Variants in CSMD1 observed in about 807,000 individuals in gnomAD.
The protein encoded by CSMD1 is CUB and Sushi multiple domains 1.
In CSMD1, 213 loss-of-function variants were observed where a neutral mutation model predicts 417.5. The ratio of observed to expected loss-of-function variants is 0.51; its 90% CI spans 0.46 to 0.57. The LOEUF is 0.57. Ranked by LOEUF, CSMD1 falls within the 20% of genes least tolerant of loss-of-function variation. The pLI is 0.00. For missense variants in CSMD1, 6,923 were observed against 4,529.7 expected, an observed-to-expected ratio of 1.53 and a Z score of -15.17; for synonymous variants, 2,862 against 1,736.8, an observed-to-expected ratio of 1.65 and a Z score of -16.11.
Position 3,284,265 on chromosome 8 carries a change from C to A in CSMD1, c.4032G>T (p.Leu1344=), listed in dbSNP as rs1483454958. ...GGGCGGAGCCACTCCACTCCTTCAG[C>A]AGGATGTCACTGTCCACCGGCCCGT... ...VWDGPVDSDI[L]LKEWSGSALP... The change falls in exon 26 of 70, where the codon CTG becomes CTT. Residue 1344 remains leucine (L), a synonymous_variant. Coordinates refer to ENST00000635120, the MANE Select transcript of CSMD1 (RefSeq NM_033225.6). The A allele has an allele frequency of 3.7e-6, 6 of 1,613,910 alleles. No homozygotes were observed. Among genetic ancestry groups the A allele is most frequent in the Non-Finnish European group, 5.1e-6 (6 of 1,179,854 alleles).
intron 10 of CSMD1, among the ~76,000 whole-genome samples, chr8:3,562,554 C>T (rs1291004876): frequency 6.6e-6 from 1 of 151,972 alleles, no homozygotes; most frequent in African/African-American, 2.4e-5. Flanking sequence ...CAAAAGTTCC[C>T]CACTTAAAAC....
chr8:3,045,048 C>G (rs11136562), intron 50 of CSMD1, among the ~76,000 whole-genome samples: 1 of 152,006 alleles, frequency 6.6e-6, no homozygotes, highest in Non-Finnish European at 1.5e-5. Context: ...AATCGGTTTT[C>G]CAGCCCTTGA....
intron 5 of CSMD1, among the ~76,000 whole-genome samples, chr8:3,801,895 A>C (rs1800477578): frequency 6.6e-6 from 1 of 152,152 alleles, no homozygotes; most frequent in South Asian, 2.1e-4. Context: ...ATGAGATCTC[A>C]TATAATACCC....
At chr8:3,919,104 C>G (rs755847845) in intron 5 of CSMD1, among the ~76,000 whole-genome samples, 2 of 133,352 alleles carry the variant, frequency 1.5e-5, no homozygotes, top group African/African-American at 2.8e-5. Flanking sequence ...CAGATTGTTT[C>G]TTTTGCTGTG....
chr8:4,114,807 G>C (rs1802046254), intron 3 of CSMD1, among the ~76,000 whole-genome samples: 1 of 152,160 alleles, frequency 6.6e-6, no homozygotes, highest in African/African-American at 2.4e-5. Flanking sequence ...GGTAGAAATA[G>C]CGAGAGGTAA....
At chr8:3,633,531 A>G (rs985606639) in intron 7 of CSMD1, among the ~76,000 whole-genome samples, 1 of 152,240 alleles carries the variant, frequency 6.6e-6, no homozygotes, top group Non-Finnish European at 1.5e-5. Flanking sequence ...ACAATGGACA[A>G]TTGTATTAGT....
chr8:3,473,980 G>C (rs563854076), intron 11 of CSMD1, among the ~76,000 whole-genome samples: 10 of 152,086 alleles, frequency 6.6e-5, no homozygotes, highest in Non-Finnish European at 1.3e-4. Context: ...ATCAGATCTA[G>C]TAAAAACTCC....
intron 30 of CSMD1, among the ~76,000 whole-genome samples, chr8:3,213,737 G>T (rs564535256): frequency 1.1e-4 from 16 of 149,980 alleles, no homozygotes; most frequent in Middle Eastern, 7.1e-3. Flanking sequence ...ATGTATATAT[G>T]TAAAAATATA....
chr8:3,836,997 C>G (rs1386982299), intron 5 of CSMD1, among the ~76,000 whole-genome samples: 1 of 151,688 alleles, frequency 6.6e-6, no homozygotes, highest in Non-Finnish European at 1.5e-5. Flanking sequence ...CCTTAATTAG[C>G]TACTTTAAGT....
chr8:4,964,009 GT>G (rs1316587906), intron 1 of CSMD1, among the ~76,000 whole-genome samples: 1 of 151,964 alleles, frequency 6.6e-6, no homozygotes, highest in African/African-American at 2.4e-5. Flanking sequence ...TATGGCACAT[GT>G]GAAGAACATA....
intron 7 of CSMD1, among the ~76,000 whole-genome samples, chr8:3,664,942 C>T (rs755731604): frequency 7.2e-5 from 11 of 152,034 alleles, no homozygotes; most frequent in Non-Finnish European, 1.5e-4. Context: ...CTCTGTGCGT[C>T]AAAGATTTCA....
At chr8:4,868,485 C>G (rs1305636980) in intron 1 of CSMD1, among the ~76,000 whole-genome samples, 1 of 151,984 alleles carries the variant, frequency 6.6e-6, no homozygotes, top group East Asian at 1.9e-4. Flanking sequence ...ATCCGCCTGC[C>G]TCGGTCTCCC....
intron 5 of CSMD1, among the ~76,000 whole-genome samples, chr8:3,786,042 G>A (rs1201459959): frequency 3.3e-5 from 5 of 152,254 alleles, no homozygotes; most frequent in South Asian, 2.1e-4. Flanking sequence ...AAGGACGGAA[G>A]AAGTGATGTT....
chr8:4,691,063 T>C (rs1210935886), intron 1 of CSMD1, among the ~76,000 whole-genome samples: 1 of 152,178 alleles, frequency 6.6e-6, no homozygotes. Context: ...AACATGCACC[T>C]TTAAAATGGT....
At chr8:3,469,329 TCTC>T (rs1816955056) in intron 11 of CSMD1, 1 of 152,220 alleles carries the variant, frequency 6.6e-6, no homozygotes, top group Non-Finnish European at 1.5e-5. Context: ...TATCACAAAC[TCTC>T]CTTTTAAAAT....
chr8:4,886,470 A>T (rs1207014528), intron 1 of CSMD1, among the ~76,000 whole-genome samples: 1 of 151,886 alleles, frequency 6.6e-6, no homozygotes, highest in African/African-American at 2.4e-5. Flanking sequence ...TTTCTTTATG[A>T]TGTCTTTTTA....
chr8:3,661,474 A>C (rs1413552010), intron 7 of CSMD1, among the ~76,000 whole-genome samples: 1 of 151,652 alleles, frequency 6.6e-6, no homozygotes, highest in Non-Finnish European at 1.5e-5. Context: ...TGACTTGCGA[A>C]ATGTTCATTG....
intron 4 of CSMD1, among the ~76,000 whole-genome samples, chr8:4,014,506 C>T (rs1369988402): frequency 6.6e-6 from 1 of 152,054 alleles, no homozygotes; most frequent in Non-Finnish European, 1.5e-5. Context: ...ATGTCTGTTC[C>T]CCCTTACTCT....
chr8:3,102,539 T>C (rs1815831211), intron 46 of CSMD1, among the ~76,000 whole-genome samples: 2 of 152,168 alleles, frequency 1.3e-5, no homozygotes, highest in South Asian at 4.1e-4. Flanking sequence ...GCTCATGTTG[T>C]GTTGATTTAG....
Sources: gnomAD v4.1 joint callset for allele counts (sites outside exome capture counted in the v4.1 genomes callset) on GRCh38, gnomAD v4.1.1 for gene constraint, MANE v1.5 for transcripts, NCBI Gene and HGNC (gene_info 2026-07-23, HGNC 2026-07-21) for gene names.